SLC7A2: variants seen among roughly 807,000 people sequenced by gnomAD.
SLC7A2 encodes the protein cationic amino acid transporter 2.
In SLC7A2, 48 loss-of-function variants were observed where a neutral mutation model predicts 58.9. That is an observed-to-expected ratio of 0.82 (90% CI 0.65 to 1.04). The LOEUF (loss-of-function observed/expected upper bound fraction) is 1.04. SLC7A2 is among the 50% of genes least tolerant of loss of function. SLC7A2 has a pLI of 0.00. For missense variants in SLC7A2, 1,029 were observed against 818.8 expected, an observed-to-expected ratio of 1.26 and a Z score of -3.13; for synonymous variants, 363 against 314.5, an observed-to-expected ratio of 1.15 and a Z score of -1.63.
intron 1 of SLC7A2, chr8:17,500,580 TG>T (rs1800113903): frequency 1.3e-5 from 2 of 152,230 alleles, no homozygotes; most frequent in African/African-American, 4.8e-5. Flanking sequence ...GTAACAAACC[TG>T]TGTGTTCTGC....
intron 10 of SLC7A2, 152 bp downstream of exon 10, chr8:17,560,685 G>T: frequency 1.6e-6 from 1 of 637,450 alleles, no homozygotes. Flanking sequence ...ACCAGTGGTT[G>T]AGATCATCTT....
chr8:17,503,112 G>A (rs930224912), intron 2 of SLC7A2, among the ~76,000 whole-genome samples: 25 of 151,784 alleles, frequency 1.6e-4, no homozygotes, highest in South Asian at 1.0e-3. Context: ...GTGCAGTGGC[G>A]CGATCTCGGC....
intron 2 of SLC7A2, among the ~76,000 whole-genome samples, chr8:17,505,252 A>T (rs1167210725): frequency 6.6e-6 from 1 of 152,206 alleles, no homozygotes; most frequent in Non-Finnish European, 1.5e-5. Context: ...AACCCAAGAT[A>T]AGAACCTTGG....
rs149559944 is a variant in SLC7A2 at position 17,506,855 on chromosome 8, A to G, written c.-23+4553A>G. On this transcript the variant is annotated intron_variant, in intron 2 of 12. Transcript: ENST00000494857. ...AGGTTAGACAGCTAGGGGTAGAGTGAAGACTAGAGTCCAAGCATGTTGAAA... is the reference window on the plus strand; with the variant it reads ...AGGTTAGACAGCTAGGGGTAGAGTGGAGACTAGAGTCCAAGCATGTTGAAA... Among the ~76,000 whole-genome samples, 60 of 152,204 alleles carry G rather than the reference A, an allele frequency of 3.9e-4. 1 individual carries two copies. The East Asian group carries it at 0.011, about 28-fold the overall frequency.
chr8:17,559,964 G>T (rs758665418), intron 9 of SLC7A2, among the ~76,000 whole-genome samples: 9 of 152,148 alleles, frequency 5.9e-5, no homozygotes, highest in South Asian at 2.1e-4. Context: ...TTATTTTATA[G>T]CTGAAATTTA....
intron 7 of SLC7A2, among the ~76,000 whole-genome samples, chr8:17,553,642 T>C (rs1213922188): frequency 6.6e-6 from 1 of 152,140 alleles, no homozygotes. Context: ...CATGGTGGCA[T>C]GCGCCTTTAG....
At position 17,543,686 on chromosome 8, in the gene SLC7A2, G is replaced by A; in HGVS notation, c.347G>A (p.Gly116Asp). The A allele has an allele frequency of 6.6e-7, 1 of 1,520,020 alleles. No homozygotes were observed. The highest frequency in any genetic ancestry group is 1.4e-5 in the African/African-American group (1 of 71,810). 94.2% of individuals were successfully genotyped at this position (1,520,020 alleles called of 1,614,324 possible). ...TVGELWAFIT[G>D]WNLILSYVIG... ...GGAGAGCTGTGGGCCTTCATCACTGGCTGGAATCTCATTTTATCGTATGTG... is the reference window on the plus strand; with the variant it reads ...GGAGAGCTGTGGGCCTTCATCACTGACTGGAATCTCATTTTATCGTATGTG... Residue 116 changes from glycine to aspartate, a missense_variant, in exon 3 of 13, where the codon GGC (glycine) becomes GAC (aspartate). Coordinates refer to ENST00000494857, the MANE Select transcript of SLC7A2 (RefSeq NM_001370338.1).
At chr8:17,520,564 C>T (rs1412502565) in intron 2 of SLC7A2, among the ~76,000 whole-genome samples, 1 of 134,626 alleles carries the variant, frequency 7.4e-6, no homozygotes, top group Non-Finnish European at 1.6e-5. Flanking sequence ...TTGCTTGAAC[C>T]TGGGAGGTGA....
At chr8:17,514,510 C>T (rs181356507) in intron 2 of SLC7A2, among the ~76,000 whole-genome samples, 3 of 152,192 alleles carry the variant, frequency 2.0e-5, no homozygotes, top group East Asian at 3.9e-4. Context: ...GCACAGCAGC[C>T]GTTGGTGGAG....
At position 17,562,029 on chromosome 8, in the gene SLC7A2, C is replaced by A. The variant is rs772415857; in HGVS notation, c.1590C>A (p.Leu530=). The A allele has an allele frequency of 2.5e-6, 4 of 1,613,938 alleles. No individual in the cohort carries two copies. The highest frequency in any genetic ancestry group is 3.4e-6 in the Non-Finnish European group (4 of 1,179,996). ...TGGAGGCCTGGAGCCTCGCTCTCCTCGCGCTGTTTCTTGTTCTCTTCGTTG... is the reference window on the plus strand; with the variant it reads ...TGGAGGCCTGGAGCCTCGCTCTCCTAGCGCTGTTTCTTGTTCTCTTCGTTG... ...TRLEAWSLAL[L]ALFLVLFVAI... Residue 530 remains leucine, a synonymous_variant, in exon 11 of 13, where the codon CTC becomes CTA. Coordinates refer to ENST00000494857, the MANE Select transcript of SLC7A2 (RefSeq NM_001370338.1).
chr8:17,504,422 G>A (rs528628149), intron 2 of SLC7A2, among the ~76,000 whole-genome samples: 2 of 152,282 alleles, frequency 1.3e-5, no homozygotes, highest in South Asian at 4.1e-4. Flanking sequence ...GTATTGCAGT[G>A]ATATTTTTAA....
intron 2 of SLC7A2, among the ~76,000 whole-genome samples, 179 bp downstream of exon 2, chr8:17,502,481 A>G (rs556401479): frequency 6.6e-5 from 10 of 152,338 alleles, no homozygotes; most frequent in African/African-American, 2.4e-4. Context: ...AGAAAAAAAT[A>G]TTTTAAAAGA....
chr8:17,540,831 C>T (rs994276595), intron 2 of SLC7A2, among the ~76,000 whole-genome samples: 2 of 152,084 alleles, frequency 1.3e-5, no homozygotes, highest in Non-Finnish European at 2.9e-5. Flanking sequence ...AAAGTTTACC[C>T]ACAATCCTAT....
intron 2 of SLC7A2, among the ~76,000 whole-genome samples, chr8:17,542,096 G>T (rs2150735672): frequency 6.6e-6 from 1 of 152,286 alleles, no homozygotes; most frequent in East Asian, 1.9e-4. Context: ...TTAAAGCATA[G>T]TTGAATAGCA....
chr8:17,545,762 A>G (rs1340081420), intron 4 of SLC7A2, among the ~76,000 whole-genome samples: 1 of 152,052 alleles, frequency 6.6e-6, no homozygotes, highest in Non-Finnish European at 1.5e-5. Flanking sequence ...GGATTGCCCT[A>G]AGAGTAAAAA....
chr8:17,554,711 T>C lies in SLC7A2; in HGVS notation c.1195+12T>C, dbSNP rs762194613. On this transcript the variant is annotated intron_variant, in intron 8 of 12. Coordinates refer to ENST00000494857, the MANE Select transcript of SLC7A2 (RefSeq NM_001370338.1). ...GGGTGCAGTGGCAGGTGAGAGAGAG[T>C]TGACTTTTCTTCAGAAACGGGGGAT... The C allele has an allele frequency of 5.0e-6, 8 of 1,598,208 alleles. No individual in the cohort carries two copies. The highest frequency in any genetic ancestry group is 1.3e-5 in the African/African-American group (1 of 74,180).
Position 17,543,366 on chromosome 8 carries a change from C to G in SLC7A2, c.27C>G (p.Thr9=), listed in dbSNP as rs143304992. 3.2e-5 allele frequency: 51 copies of G among 1,614,056 alleles called. No homozygotes were observed. The African/African-American group carries it at 6.7e-4, about 21-fold the overall frequency. ...TGATTCCTTGCAGAGCCGCGCTGAC[C>G]TTTGCCCGATGTCTGATCCGGAGAA... The part of the protein sequence containing the change: MIPCRAAL[T]FARCLIRRKI... The change falls in exon 3 of 13, where the codon ACC becomes ACG. Residue 9 remains threonine (T), a synonymous_variant. Coordinates refer to ENST00000494857, the MANE Select transcript of SLC7A2 (RefSeq NM_001370338.1).
At chr8:17,544,259 A>T (rs944890111) in intron 3 of SLC7A2, among the ~76,000 whole-genome samples, 192 bp from the exon 4 acceptor site, 1 of 152,224 alleles carries the variant, frequency 6.6e-6, no homozygotes, top group African/African-American at 2.4e-5. Context: ...TTGCAAATAA[A>T]GTTACCTGAT....
In SLC7A2 at chr8:17,497,095, T is replaced by G. The variant is rs1218054745; in HGVS notation, c.-211T>G. Reference sequence around the variant, plus strand: ...GCGCCCACGTGCCCAGCCCTCCTTCTGCAGCGCGGCCGGCGGGCGCTCCTC... The same window carrying G: ...GCGCCCACGTGCCCAGCCCTCCTTCGGCAGCGCGGCCGGCGGGCGCTCCTC... On this transcript the variant is annotated 5_prime_UTR_variant, in exon 1 of 13. Transcript: ENST00000494857. 1 of 151,190 alleles carries G rather than the reference T, an allele frequency of 6.6e-6. No individual in the cohort carries two copies. The highest frequency in any genetic ancestry group is 6.6e-5 in the Admixed American group (1 of 15,176). 9.4% of individuals were successfully genotyped at this position (151,190 alleles called of 1,614,324 possible). A position where few individuals can be genotyped will look rare whatever the true frequency, so the allele number is the denominator to read the frequency against.
Sources: allele counts gnomAD v4.1 joint callset (sites outside exome capture counted in the v4.1 genomes callset), GRCh38; gene constraint gnomAD v4.1.1; transcripts MANE v1.5; gene names NCBI Gene and HGNC (gene_info 2026-07-23, HGNC 2026-07-21).